KDM2B: variants seen among roughly 807,000 people sequenced by gnomAD.
KDM2B encodes the protein lysine demethylase 2B.
A neutral mutation model predicts 150.0 loss-of-function variants in KDM2B; 26 were observed. The observed-to-expected ratio is 0.17, with a 90% CI of 0.13 to 0.24. The LOEUF (loss-of-function observed/expected upper bound fraction) is 0.24. Ranked by LOEUF, KDM2B falls within the 10% of genes least tolerant of loss-of-function variation. The pLI, the probability that KDM2B is intolerant of heterozygous loss-of-function variation, is 1.00. For synonymous variants in KDM2B, 734 were observed against 729.5 expected, an observed-to-expected ratio of 1.01 and a Z score of -0.10; for missense variants, 1,265 against 1,816.9, an observed-to-expected ratio of 0.70 and a Z score of 5.52.
the KDM2B span, among the ~76,000 whole-genome samples, chr12:121,418,911 T>C: frequency 8.5e-5 from 13 of 152,332 alleles, no homozygotes; most frequent in Admixed American, 6.5e-4. Context: ...TTCACCATGT[T>C]GGTCAGGCTG....
Position 121,444,135 on chromosome 12 carries a change from G to A in KDM2B, c.2328C>T (p.Arg776=). 1 of 1,612,788 alleles carries A rather than the reference G, an allele frequency of 6.2e-7. No homozygotes were observed. The highest frequency in any genetic ancestry group is 1.1e-5 in the South Asian group (1 of 91,090). The change falls in exon 16 of 23, where the codon CGC becomes CGT. Residue 776 remains arginine, a synonymous_variant. Transcript: ENST00000377071. ...RRSECEEAPR[R]RSDEHSKKVP... ...CCTTCTTCGAGTGCTCATCCGACCT[G>A]CGCCGGGGCGCCTCCTCACACTCAC...
chr12:121,521,056 C>T lies in KDM2B; in HGVS notation c.976G>A (p.Gly326Ser), dbSNP rs1566371216. Residue 326 changes from glycine (G) to serine (S), a missense_variant, in exon 9 of 23, where the codon GGC (glycine) becomes AGC (serine). Coordinates refer to ENST00000377071, the MANE Select transcript of KDM2B (RefSeq NM_032590.5). This position sits in a 1 kb window ranked among gnomAD's most constrained non-coding sequence, Gnocchi z 4.9. ...TTAAAGCTGTGCAGGATGTTTCCGC[C>T]GAACACCAAAGAGTCTACAGGGGTG... ...VYTPVDSLVF[G>S]GNILHSFNVP... The T allele has an allele frequency of 6.2e-7, 1 of 1,613,940 alleles. No homozygotes were observed. The highest frequency in any genetic ancestry group is 1.1e-5 in the South Asian group (1 of 91,078).
At chr12:121,414,902 A>G in the KDM2B span, among the ~76,000 whole-genome samples, 2 of 152,146 alleles carry the variant, frequency 1.3e-5, no homozygotes, top group Non-Finnish European at 2.9e-5. Context: ...GAGACCAGCC[A>G]TGGTCAACAT....
At chr12:121,544,675 G>A (rs1344584292) in intron 6 of KDM2B, among the ~76,000 whole-genome samples, 4 of 150,146 alleles carry the variant, frequency 2.7e-5, no homozygotes, top group African/African-American at 9.8e-5. Flanking sequence ...TACTTTGGGA[G>A]GCCAAGGCGG....
At position 121,532,688 on chromosome 12, in the gene KDM2B, G is replaced by C. The variant is rs60908779; in HGVS notation, c.931+118C>G. ...CTCCAGCCCACGGCTGGCTCCCCTCGGGGACTGCCAATGGCCTGTCAAACC... is the reference window on the plus strand; with the variant it reads ...CTCCAGCCCACGGCTGGCTCCCCTCCGGGACTGCCAATGGCCTGTCAAACC... On this transcript the variant is annotated intron_variant, in intron 8 of 22. Coordinates refer to ENST00000377071, the MANE Select transcript of KDM2B (RefSeq NM_032590.5). 5.7e-3 allele frequency: 6,030 copies of C among 1,052,848 alleles called. 353 individuals carry two copies. In the East Asian group the frequency reaches 0.13, roughly 22 times the overall value. 65.2% of individuals were successfully genotyped at this position (1,052,848 alleles called of 1,614,324 possible). A position where few individuals can be genotyped will look rare whatever the true frequency, so the allele number is the denominator to read the frequency against.
chr12:121,527,605 G>A (rs1400925858), intron 8 of KDM2B, among the ~76,000 whole-genome samples: 2 of 133,802 alleles, frequency 1.5e-5, no homozygotes, highest in African/African-American at 5.6e-5. Flanking sequence ...AGTGAGCTGA[G>A]ATCGCGCCAC....
At chr12:121,565,046 T>C (rs1890603809) in intron 4 of KDM2B, among the ~76,000 whole-genome samples, 1 of 152,102 alleles carries the variant, frequency 6.6e-6, no homozygotes, top group Non-Finnish European at 1.5e-5. Context: ...TTGCCTAGGC[T>C]GGTCTCAAAC....
the KDM2B span, among the ~76,000 whole-genome samples, chr12:121,413,289 A>G: frequency 6.6e-6 from 1 of 152,180 alleles, no homozygotes; most frequent in Admixed American, 6.5e-5. Flanking sequence ...GGCCTCCCAA[A>G]GTGCTGGGAT....
At chr12:121,510,553 G>T (rs1004806057) in intron 10 of KDM2B, among the ~76,000 whole-genome samples, 2 of 152,174 alleles carry the variant, frequency 1.3e-5, no homozygotes, top group Non-Finnish European at 2.9e-5. Flanking sequence ...TACACTTTGA[G>T]GGGCCTAGGC....
intron 10 of KDM2B, among the ~76,000 whole-genome samples, chr12:121,512,484 A>C (rs969423064): frequency 1.3e-5 from 2 of 152,126 alleles, no homozygotes; most frequent in Admixed American, 1.3e-4. Context: ...GCAGACCCTC[A>C]AGGAGACAGA....
chr12:121,575,046 G>A lies in KDM2B; in HGVS notation c.351-453C>T, dbSNP rs746420523. Among the ~76,000 whole-genome samples the A allele has an allele frequency of 5.3e-5, 8 of 152,188 alleles. No individual in the cohort carries two copies. In the South Asian group the frequency reaches 1.2e-3, roughly 24 times the overall value. ...TAAGTTCAGAGGGAAAAAAAGACAC[G>A]CATTGTACTAGTTCCAGGGATGTGG... On this transcript the variant is annotated intron_variant, in intron 3 of 22. Transcript: ENST00000377071. This position sits in a 1 kb window ranked among gnomAD's most constrained non-coding sequence, Gnocchi z 4.4.
intron 4 of KDM2B, among the ~76,000 whole-genome samples, chr12:121,553,074 T>C (rs28687122): frequency 0.5 from 75,462 of 151,270 alleles, 19,044 homozygotes; most frequent in African/African-American, 0.55. Context: ...ATACTAAAAA[T>C]ACAAAAAATC....
At chr12:121,522,989 C>T (rs1555306169) in intron 8 of KDM2B, among the ~76,000 whole-genome samples, 1 of 152,232 alleles carries the variant, frequency 6.6e-6, no homozygotes, top group Non-Finnish European at 1.5e-5. Context: ...TACTGCACTG[C>T]AATTCACAGT....
At chr12:121,503,857 T>G (rs1226375301) in intron 11 of KDM2B, among the ~76,000 whole-genome samples, 1 of 152,224 alleles carries the variant, frequency 6.6e-6, no homozygotes, top group Non-Finnish European at 1.5e-5. Context: ...TGCTTCAGAA[T>G]GGCCATAAGA....
chr12:121,552,261 T>G (rs1889558883), intron 4 of KDM2B, among the ~76,000 whole-genome samples: 1 of 152,206 alleles, frequency 6.6e-6, no homozygotes, highest in Non-Finnish European at 1.5e-5. Flanking sequence ...CGCCCAGGAA[T>G]GCCCAATTCG....
At chr12:121,516,900 A>C in intron 9 of KDM2B, 1 of 670,054 alleles carries the variant, frequency 1.5e-6, no homozygotes, top group Non-Finnish European at 2.7e-6. Flanking sequence ...GGAAAAAAAA[A>C]AAAGTCCAAT....
At chr12:121,524,132 G>A (rs1312965511) in intron 8 of KDM2B, among the ~76,000 whole-genome samples, 1 of 152,076 alleles carries the variant, frequency 6.6e-6, no homozygotes, top group Non-Finnish European at 1.5e-5. Context: ...ATCTTATATG[G>A]CCCCACAAGC....
At chr12:121,538,368 CG>C (rs1211102704) in intron 6 of KDM2B, among the ~76,000 whole-genome samples, 1 of 152,090 alleles carries the variant, frequency 6.6e-6, no homozygotes, top group Non-Finnish European at 1.5e-5. Flanking sequence ...CTAGGGGCCG[CG>C]GGGAGAGTGG....
chr12:121,449,272 G>A (rs1555291043), intron 13 of KDM2B, among the ~76,000 whole-genome samples: 3 of 152,116 alleles, frequency 2.0e-5, no homozygotes, highest in Non-Finnish European at 4.4e-5. Context: ...GAGAGGGGAG[G>A]CTACGGAGGC....
Sources: allele counts gnomAD v4.1 joint callset (sites outside exome capture counted in the v4.1 genomes callset), GRCh38; gene constraint gnomAD v4.1.1; non-coding constraint Gnocchi (gnomAD v3.1); transcripts MANE v1.5; gene names NCBI Gene and HGNC (gene_info 2026-07-23, HGNC 2026-07-21).